TAGLN2: variants seen among roughly 807,000 people sequenced by gnomAD.
The protein encoded by TAGLN2 is transgelin 2.
In TAGLN2, 14 loss-of-function variants were observed where a neutral mutation model predicts 24.9. The ratio of observed to expected loss-of-function variants is 0.56; its 90% CI spans 0.37 to 0.88. TAGLN2 has a LOEUF of 0.88. Ranked by LOEUF, TAGLN2 falls within the 40% of genes least tolerant of loss-of-function variation. The probability of loss-of-function intolerance (pLI) is 0.00; values close to 1 mark genes in which losing one functional copy is unlikely to be tolerated. For synonymous variants in TAGLN2, 77 were observed against 98.2 expected (o/e 0.78, Z 1.28); for missense variants, 208 against 258.9 (o/e 0.80, Z 1.35).
intron 1 of TAGLN2, among the ~76,000 whole-genome samples, chr1:159,920,748 A>G (rs913332259): frequency 1.3e-5 from 2 of 152,150 alleles, no homozygotes; most frequent in Admixed American, 6.5e-5. Flanking sequence ...GGAACAGCTT[A>G]GGAAACTGGT....
intron 4 of TAGLN2, 22 bp from the exon 5 acceptor site, chr1:159,918,963 G>A: frequency 6.2e-7 from 1 of 1,613,660 alleles, no homozygotes; most frequent in African/African-American, 1.3e-5. Context: ...GGGAGTGGTG[G>A]TTAGAGGAGA....
chr1:159,923,866 C>A (rs544400333), intron 1 of TAGLN2: 8 of 209,258 alleles, frequency 3.8e-5, no homozygotes, highest in Admixed American at 1.8e-4. Flanking sequence ...GGCAGAAACA[C>A]CCTGTCAACA....
intron 1 of TAGLN2, among the ~76,000 whole-genome samples, chr1:159,923,164 T>G (rs1347443295): frequency 6.6e-6 from 1 of 152,020 alleles, no homozygotes; most frequent in African/African-American, 2.4e-5. Context: ...CCCTCAAACA[T>G]AAAGAAAACA....
chr1:159,920,193 C>T (rs780214238), intron 2 of TAGLN2, 137 bp downstream of exon 2: 1 of 1,411,586 alleles, frequency 7.1e-7, no homozygotes, highest in South Asian at 1.2e-5. Context: ...ACATCCTTGA[C>T]AAAGGCCTTC....
At chr1:159,918,966 AGAG>A (rs1557924301) in intron 4 of TAGLN2, 25 bp from the exon 5 acceptor site, 5 of 1,613,442 alleles carry the variant, frequency 3.1e-6, no homozygotes, top group Non-Finnish European at 4.2e-6. Context: ...AGTGGTGGTT[AGAG>A]GAGATCACAG....
intron 1 of TAGLN2, chr1:159,925,142 T>C (rs980606377): frequency 6.6e-6 from 1 of 152,198 alleles, no homozygotes; most frequent in South Asian, 2.1e-4. Context: ...GACGCCCTTT[T>C]TTCCCCTCGC....
chr1:159,920,673 C>A, intron 1 of TAGLN2, 136 bp from the exon 2 acceptor site: 1 of 1,423,548 alleles, frequency 7.0e-7, no homozygotes, highest in Non-Finnish European at 9.3e-7. Context: ...GAACTGTTAC[C>A]AAATGCAACC....
rs1367056710 is a variant in TAGLN2, at chr1:159,920,496, C to T, written c.14G>A (p.Gly5Glu). 4 of 1,614,044 alleles carry T rather than the reference C, an allele frequency of 2.5e-6. No homozygotes were observed. Among genetic ancestry groups the T allele is most frequent in the African/African-American group, 1.3e-5 (1 of 74,938 alleles). MANR[G>E]PAYGLSREVQ... ...CTCCCGGCTCAGGCCATATGCAGGTCCCCTGTTGGCCATTCCAATGGGTGG... is the reference window on the plus strand; with the variant it reads ...CTCCCGGCTCAGGCCATATGCAGGTTCCCTGTTGGCCATTCCAATGGGTGG... The change falls in exon 2 of 5, where the codon GGA becomes GAA. Residue 5 changes from glycine (G) to glutamate (E), a missense_variant. By Grantham distance (98) the Gly-to-Glu change is moderately conservative (BLOSUM62 -2). Transcript: ENST00000368097.
intron 3 of TAGLN2, 58 bp from the exon 4 acceptor site, chr1:159,919,434 G>T: frequency 6.5e-7 from 1 of 1,549,362 alleles, no homozygotes; most frequent in Non-Finnish European, 8.9e-7. Context: ...CCAGGGTTCC[G>T]CCTCTATCGC....
At position 159,920,362 on chromosome 1, in the gene TAGLN2, C is replaced by T. The variant is rs1332089076; in HGVS notation, c.148G>A (p.Glu50Lys). The change falls in exon 2 of 5, where the codon GAG becomes AAG. Residue 50 changes from glutamate (E) to lysine (K), a missense_variant. Physicochemically the swap from Glu to Lys is moderately conservative, Grantham distance 56 (BLOSUM62 1). Coordinates refer to ENST00000368097, the MANE Select transcript of TAGLN2 (RefSeq NM_003564.3). Reference sequence around the variant, plus strand: ...TCCTTGAGCCAGTTCTGGAAGTTCTCGCGTCCAGGCTGGGGCCGGCCCACA... The same window carrying T: ...TCCTTGAGCCAGTTCTGGAAGTTCTTGCGTCCAGGCTGGGGCCGGCCCACA... ...KDVGRPQPGR[E>K]NFQNWLKDGT... The T allele has an allele frequency of 2.5e-6, 4 of 1,614,230 alleles. No individual in the cohort carries two copies. Among genetic ancestry groups the T allele is most frequent in the Non-Finnish European group, 3.4e-6 (4 of 1,180,050 alleles).
intron 1 of TAGLN2, among the ~76,000 whole-genome samples, chr1:159,921,864 G>A (rs1404730659): frequency 1.3e-5 from 2 of 152,248 alleles, no homozygotes; most frequent in African/African-American, 2.4e-5. Context: ...TGGTATGGAT[G>A]CCAAGGGGAG....
rs1446161777 is a variant in TAGLN2 at position 159,921,622 on chromosome 1, G to A, written c.-28-1085C>T. ...GTAGCAATTTGTTACAGCAGAAATA[G>A]GAAACTAATACAGGAGCCCTGGGTG... On this transcript the variant is annotated intron_variant, in intron 1 of 4. Coordinates refer to ENST00000368097, the MANE Select transcript of TAGLN2 (RefSeq NM_003564.3). Among the ~76,000 whole-genome samples, 35 of 152,230 alleles carry A rather than the reference G, an allele frequency of 2.3e-4. 1 individual carries two copies. Among genetic ancestry groups the A allele is most frequent in the Admixed American group, 6.5e-5 (1 of 15,284 alleles).
rs983935188 is a variant in TAGLN2, at chr1:159,919,919, A to G, written c.181-84T>C. The G allele has an allele frequency of 1.3e-5, 19 of 1,473,082 alleles. No individual in the cohort carries two copies. In the African/African-American group the frequency reaches 2.2e-4, roughly 17 times the overall value. The allele number at this position is 1,473,082 out of a possible 1,614,324, so 91.3% of individuals were successfully genotyped here. A position where few individuals can be genotyped will look rare whatever the true frequency, so the allele number is the denominator to read the frequency against. On this transcript the variant is annotated intron_variant, in intron 2 of 4. Coordinates refer to ENST00000368097, the MANE Select transcript of TAGLN2 (RefSeq NM_003564.3). The stretch of plus-strand genomic sequence containing the variant: ...GTGCACCACCCTCAGAACCAGAGAC[A>G]ATGAACCAGAGAGGCTCCTGTCTTG...
rs1179639349 is a variant in TAGLN2, at chr1:159,918,173, G to A, written c.*627C>T. 1 of 152,280 alleles carries A rather than the reference G, an allele frequency of 6.6e-6. No individual in the cohort carries two copies. Among genetic ancestry groups the A allele is most frequent in the Non-Finnish European group, 1.5e-5 (1 of 68,112 alleles). The allele number at this position is 152,280 out of a possible 1,614,324, so 9.4% of individuals were successfully genotyped here. ...TCATCTTCCTCAAGCCCCAGACCAT[G>A]GTAGGCAGCCCTCCCTCTCCATCCC... On this transcript the variant is annotated 3_prime_UTR_variant, in exon 5 of 5. Transcript: ENST00000368097.
In TAGLN2 at chr1:159,920,335, C is replaced by T. The variant is rs746104200; in HGVS notation, c.175G>A (p.Gly59Ser). The change falls in exon 2 of 5, where the codon GGC becomes AGC. Residue 59 changes from glycine to serine, a missense_variant. By Grantham distance (56) the Gly-to-Ser change is moderately conservative (BLOSUM62 0). Transcript: ENST00000368097. ...RENFQNWLKD[G>S]TVLCELINAL... ...CAGTGGGGCCCGGCTCTCACCGTGC[C>T]ATCCTTGAGCCAGTTCTGGAAGTTC... is the stretch of plus-strand genomic sequence containing the variant. 1.2e-6 allele frequency: 2 copies of T among 1,614,246 alleles called. No individual in the cohort carries two copies. Among genetic ancestry groups the T allele is most frequent in the Non-Finnish European group, 1.7e-6 (2 of 1,180,052 alleles).
intron 1 of TAGLN2, chr1:159,923,622 G>A: frequency 1.4e-6 from 1 of 727,944 alleles, no homozygotes; most frequent in South Asian, 2.4e-5. Context: ...GCACAGTGAG[G>A]GCACCAGCCC....
intron 1 of TAGLN2, chr1:159,923,422 G>C: frequency 6.5e-7 from 1 of 1,549,516 alleles, no homozygotes; most frequent in Non-Finnish European, 8.7e-7. Flanking sequence ...CCAGACCCTG[G>C]GCTGGAAGCT....
chr1:159,922,175 C>T (rs1650552881), intron 1 of TAGLN2, among the ~76,000 whole-genome samples: 1 of 152,178 alleles, frequency 6.6e-6, no homozygotes, highest in Non-Finnish European at 1.5e-5. Context: ...TACAAGGGGA[C>T]CAGCCTGCCT....
intron 1 of TAGLN2, among the ~76,000 whole-genome samples, chr1:159,921,594 C>T (rs71628156): frequency 0.014 from 2,175 of 152,354 alleles, 19 homozygotes; most frequent in Middle Eastern, 0.041. Flanking sequence ...AATCACTAAG[C>T]TTGTAGCAAT....
Sources: gnomAD v4.1 joint callset for allele counts (sites outside exome capture counted in the v4.1 genomes callset) on GRCh38, gnomAD v4.1.1 for gene constraint, MANE v1.5 for transcripts, NCBI Gene and HGNC (gene_info 2026-07-23, HGNC 2026-07-21) for gene names.